Variants in STK38 observed in about 807,000 individuals in gnomAD.
STK38 encodes the protein serine/threonine-protein kinase 38.
Under a neutral mutation model 59.0 loss-of-function variants are expected in STK38, and 26 were observed. That is an observed-to-expected ratio of 0.44 (90% confidence interval 0.32 to 0.61). The LOEUF (loss-of-function observed/expected upper bound fraction) is 0.61, where lower values mean the gene tolerates loss of function less well. STK38 is among the 20% of genes least tolerant of loss of function. STK38 has a pLI of 0.04. For missense variants in STK38, 433 were observed against 566.0 expected, an observed-to-expected ratio of 0.76 and a Z score of 2.38; for synonymous variants, 175 against 176.6, an observed-to-expected ratio of 0.99 and a Z score of 0.07.
chr6:36,541,450 T>G (rs545684005), intron 1 of STK38, among the ~76,000 whole-genome samples: 1 of 152,128 alleles, frequency 6.6e-6, no homozygotes, highest in Admixed American at 6.5e-5. Context: ...TCTAAAAATC[T>G]ACCTTGAAGA....
intron 2 of STK38, among the ~76,000 whole-genome samples, chr6:36,537,881 A>G (rs1030869315): frequency 1.4e-4 from 21 of 152,074 alleles, no homozygotes; most frequent in Non-Finnish European, 2.9e-4. Context: ...CCTGGGCAAC[A>G]AAACAACACC....
intron 13 of STK38, among the ~76,000 whole-genome samples, chr6:36,496,371 C>T (rs568531691): frequency 6.6e-6 from 1 of 152,266 alleles, no homozygotes; most frequent in South Asian, 2.1e-4. Flanking sequence ...CATTTTCTTG[C>T]TCATGTTCTT....
At chr6:36,527,203 A>ATATATAT (rs1421433987) in intron 2 of STK38, among the ~76,000 whole-genome samples, 101 of 121,112 alleles carry the variant, frequency 8.3e-4, no homozygotes, top group African/African-American at 3.3e-3. Flanking sequence ...AAAAAAAAAA[A>ATATATAT]AAAAATATAT....
At chr6:36,509,133 T>C (rs981534415) in intron 7 of STK38, among the ~76,000 whole-genome samples, 1 of 152,168 alleles carries the variant, frequency 6.6e-6, no homozygotes, top group African/African-American at 2.4e-5. Context: ...GCCCCACCAT[T>C]TGACAGGTCC....
At chr6:36,542,400 C>T (rs1196369801) in intron 1 of STK38, among the ~76,000 whole-genome samples, 1 of 152,112 alleles carries the variant, frequency 6.6e-6, no homozygotes, top group Non-Finnish European at 1.5e-5. Flanking sequence ...ACCTTAAAAA[C>T]AAGAGATCTT....
Position 36,515,239 on chromosome 6 carries a change from C to CA in STK38, c.669+98dup, listed in dbSNP as rs1777220544. On this transcript the variant is annotated intron_variant, in intron 7 of 13. Transcript: ENST00000229812. Reference sequence around the variant, plus strand: ...AGGAAAATCATGACAAGGCAGGTCACAGCTCGCCCACTGGGATGACCACAG... The same window carrying CA: ...AGGAAAATCATGACAAGGCAGGTCACAAGCTCGCCCACTGGGATGACCACAG... The CA allele has an allele frequency of 3.6e-6, 5 of 1,398,670 alleles. No homozygotes were observed. The South Asian group carries it at 6.2e-5, about 17-fold the overall frequency. 86.6% of individuals were successfully genotyped at this position (1,398,670 alleles called of 1,614,324 possible). A position where few individuals can be genotyped will look rare whatever the true frequency, so the allele number is the denominator to read the frequency against.
chr6:36,527,102 G>C (rs2127483031), intron 2 of STK38, among the ~76,000 whole-genome samples: 1 of 146,788 alleles, frequency 6.8e-6, no homozygotes, highest in Non-Finnish European at 1.5e-5. Context: ...TGAAGCAGAA[G>C]AATTGCCTGA....
In STK38 at chr6:36,534,024, C is replaced by T. The variant is rs115380761; in HGVS notation, c.131+6048G>A. Among the ~76,000 whole-genome samples, 878 of 152,292 alleles carry T rather than the reference C, an allele frequency of 5.8e-3. 8 individuals carry two copies. Among genetic ancestry groups the T allele is most frequent in the African/African-American group, 0.02 (833 of 41,566 alleles). On this transcript the variant is annotated intron_variant, in intron 2 of 13. Transcript: ENST00000229812. Reference sequence around the variant, plus strand: ...TATATCCCATGTAAATTATCACTTACACCCTCATGAAGAACAGGATTGCAA... The same window carrying T: ...TATATCCCATGTAAATTATCACTTATACCCTCATGAAGAACAGGATTGCAA...
At chr6:36,529,167 T>G (rs1223622317) in intron 2 of STK38, among the ~76,000 whole-genome samples, 1 of 152,302 alleles carries the variant, frequency 6.6e-6, no homozygotes, top group Admixed American at 6.5e-5. Flanking sequence ...GTTAGATTCA[T>G]GGTGGCATTT....
intron 2 of STK38, among the ~76,000 whole-genome samples, chr6:36,527,218 A>ATT (rs1219106837): frequency 7.0e-6 from 1 of 142,400 alleles, no homozygotes; most frequent in African/African-American, 2.6e-5. Flanking sequence ...ATATATGTAT[A>ATT]TATATATATA....
chr6:36,539,429 G>A (rs1395970923), intron 2 of STK38, among the ~76,000 whole-genome samples: 1 of 151,662 alleles, frequency 6.6e-6, no homozygotes, highest in African/African-American at 2.4e-5. Context: ...GTTACTAAGT[G>A]GACAGTATAC....
At chr6:36,496,880 A>G (rs1582398583) in intron 12 of STK38, 75 bp from the exon 13 acceptor site, 1 of 1,079,308 alleles carries the variant, frequency 9.3e-7, no homozygotes, top group Non-Finnish European at 1.4e-6. Context: ...CTTTCTCCAA[A>G]AAAGACCCCT....
At chr6:36,540,249 AAT>A in intron 1 of STK38, 42 bp from the exon 2 acceptor site, 1 of 1,608,962 alleles carries the variant, frequency 6.2e-7, no homozygotes, top group Non-Finnish European at 8.5e-7. Flanking sequence ...TTGGAGTTAG[AAT>A]CCACCCAGTG....
rs980165672 is a variant in STK38, at chr6:36,494,568, A to G, written c.*1216T>C. 1.3e-5 allele frequency: 2 copies of G among 152,706 alleles called. No individual in the cohort carries two copies. Among genetic ancestry groups the G allele is most frequent in the Non-Finnish European group, 2.9e-5 (2 of 68,044 alleles). 9.5% of individuals were successfully genotyped at this position (152,706 alleles called of 1,614,324 possible). On this transcript the variant is annotated 3_prime_UTR_variant, in exon 14 of 14. Transcript: ENST00000229812. ...GTCTCTCAAGAGAGAACGCCACAGC[A>G]GAGAGACCCAATCCGCCTAAGTTGC...
intron 9 of STK38, among the ~76,000 whole-genome samples, chr6:36,501,277 G>C (rs1776831428): frequency 6.6e-6 from 1 of 151,918 alleles, no homozygotes; most frequent in Non-Finnish European, 1.5e-5. Flanking sequence ...CTGCATTCCA[G>C]TATTCTACTC....
chr6:36,494,842 G>A lies in STK38; in HGVS notation c.*942C>T, dbSNP rs1335802004. On this transcript the variant is annotated 3_prime_UTR_variant, in exon 14 of 14. Transcript: ENST00000229812. ...GGTTCTGGAGACCTTGCAGGAACAGGAACAGCACCTTAGCCAAGAGGGTTC... is the reference window on the plus strand; with the variant it reads ...GGTTCTGGAGACCTTGCAGGAACAGAAACAGCACCTTAGCCAAGAGGGTTC... The A allele has an allele frequency of 2.0e-5, 3 of 152,326 alleles. No homozygotes were observed. Among genetic ancestry groups the A allele is most frequent in the Non-Finnish European group, 4.4e-5 (3 of 68,076 alleles). 9.4% of individuals were successfully genotyped at this position (152,326 alleles called of 1,614,324 possible).
chr6:36,537,566 A>G (rs1050657942), intron 2 of STK38, among the ~76,000 whole-genome samples: 6 of 152,212 alleles, frequency 3.9e-5, no homozygotes, highest in African/African-American at 7.2e-5. Context: ...AATAAAAAGG[A>G]ACAAATTATT....
chr6:36,521,680 G>C (rs1474415864), intron 5 of STK38, 54 bp downstream of exon 5: 2 of 1,396,750 alleles, frequency 1.4e-6, no homozygotes, highest in African/African-American at 1.5e-5. Flanking sequence ...AAAAAGAAAA[G>C]TTTTAGGAGA....
chr6:36,515,617 A>T, intron 6 of STK38, 125 bp from the exon 7 acceptor site: 1 of 1,501,818 alleles, frequency 6.7e-7, no homozygotes, highest in Non-Finnish European at 8.9e-7. Context: ...TAAGGCGGCT[A>T]AACAGACCTC....
Sources: allele counts gnomAD v4.1 joint callset (sites outside exome capture counted in the v4.1 genomes callset), GRCh38; gene constraint gnomAD v4.1.1; transcripts MANE v1.5; gene names NCBI Gene and HGNC (gene_info 2026-07-23, HGNC 2026-07-21).